COL28A1: variants seen among roughly 807,000 people sequenced by gnomAD.
The protein encoded by COL28A1 is collagen alpha-1(XXVIII) chain.
A neutral mutation model predicts 150.2 loss-of-function variants in COL28A1; 161 were observed. The ratio of observed to expected loss-of-function variants is 1.07; its 90% CI spans 0.94 to 1.22. The LOEUF is 1.22. COL28A1 is among the 50% of genes most tolerant of loss of function. The pLI is 0.00. For missense variants in COL28A1, 1,617 were observed against 1,388.3 expected (o/e 1.16, Z -2.62); for synonymous variants, 552 against 469.7 (o/e 1.18, Z -2.26).
chr7:7,436,170 A>G (rs1785327885), intron 23 of COL28A1, among the ~76,000 whole-genome samples: 1 of 152,184 alleles, frequency 6.6e-6, no homozygotes, highest in Non-Finnish European at 1.5e-5. Context: ...TTTTCAAACA[A>G]TTGTCTAATC....
intron 15 of COL28A1, among the ~76,000 whole-genome samples, chr7:7,471,197 A>G (rs1356587634): frequency 6.6e-6 from 1 of 151,714 alleles, no homozygotes; most frequent in Admixed American, 6.6e-5. Context: ...TACTCTTAAC[A>G]GACCAATAAC....
intron 34 of COL28A1, 64 bp downstream of exon 34, chr7:7,360,326 G>A: frequency 7.0e-7 from 1 of 1,430,514 alleles, no homozygotes; most frequent in Non-Finnish European, 9.2e-7. Flanking sequence ...TCTTTCCTTT[G>A]TGCACCAAAT....
chr7:7,391,408 A>G (rs866351171), intron 27 of COL28A1, among the ~76,000 whole-genome samples: 3 of 152,144 alleles, frequency 2.0e-5, no homozygotes, highest in Admixed American at 6.5e-5. Context: ...TATGTGCTCA[A>G]TTTTAGAATA....
Position 7,360,398 on chromosome 7 carries a change from C to T in COL28A1, c.3197G>A (p.Gly1066Glu), listed in dbSNP as rs200146803. 740 of 1,573,844 alleles carry T rather than the reference C, an allele frequency of 4.7e-4. 1 individual carries two copies. Among genetic ancestry groups the T allele is most frequent in the Non-Finnish European group, 5.7e-4 (668 of 1,166,778 alleles). Residue 1066 changes from glycine (G) to glutamate (E), a missense_variant, in exon 34 of 35, where the codon GGG (glycine) becomes GAG (glutamate). By Grantham distance (98) the Gly-to-Glu change is moderately conservative. Transcript: ENST00000399429. ...PRPLLSTPVD[G>E]AEDPRCLEAL... ...AGTTCTGGTTTACCTACCCTCTGCC[C>T]CATCCACAGGGGTGCTGAGCAGTGG... is the stretch of plus-strand genomic sequence containing the variant.
At chr7:7,377,934 G>A (rs867850900) in intron 30 of COL28A1, among the ~76,000 whole-genome samples, 2 of 152,150 alleles carry the variant, frequency 1.3e-5, no homozygotes, top group South Asian at 4.2e-4. Context: ...AACGATGAGG[G>A]AAAGAAGGAG....
chr7:7,424,545 CAT>C (rs1157983330), intron 25 of COL28A1, among the ~76,000 whole-genome samples: 1 of 152,190 alleles, frequency 6.6e-6, no homozygotes, highest in Non-Finnish European at 1.5e-5. Context: ...CATAGCTGGA[CAT>C]AGCTTCCCAC....
intron 13 of COL28A1, 127 bp downstream of exon 13, chr7:7,489,262 C>T (rs562976579): frequency 1.7e-5 from 11 of 643,146 alleles, no homozygotes; most frequent in East Asian, 8.5e-5. Flanking sequence ...AGTGAGATTC[C>T]GTCTCAAAAA....
chr7:7,500,850 C>T (rs374043046), intron 11 of COL28A1, among the ~76,000 whole-genome samples: 17 of 152,140 alleles, frequency 1.1e-4, no homozygotes, highest in South Asian at 1.0e-3. Context: ...AAGTAGGGTT[C>T]GGAAAAGTAG....
At chr7:7,360,649 C>T in intron 33 of COL28A1, 121 bp from the exon 34 acceptor site, 1 of 811,768 alleles carries the variant, frequency 1.2e-6, no homozygotes, top group Non-Finnish European at 1.9e-6. Context: ...CTCTCTGATA[C>T]TAACTATTTC....
Position 7,380,847 on chromosome 7 carries a change from G to A in COL28A1, c.2221C>T (p.Arg741Trp), listed in dbSNP as rs201020782. The A allele has an allele frequency of 4.6e-5, 75 of 1,613,410 alleles. No homozygotes were observed. The Admixed American group carries it at 5.3e-4, about 11-fold the overall frequency. Residue 741 changes from arginine (R) to tryptophan (W), a missense_variant, in exon 29 of 35, where the codon CGG (arginine) becomes TGG (tryptophan). Coordinates refer to ENST00000399429, the MANE Select transcript of COL28A1 (RefSeq NM_001037763.3). ...TCACCTTTCTTTCCCACATCGCCCC[G>A]TTCTCCGTGCTCTCCCTTTACACAA... is the stretch of plus-strand genomic sequence containing the variant. ...LPGQKGEHGE[R>W]GDVGKKGDKG...
Position 7,531,340 on chromosome 7 carries a change from G to A in COL28A1, c.681+8C>T. ...GATAACTGTATAATCAACCCATTAG[G>A]TACCTACCAGACGATCTTGAATTTT... On this transcript the variant is annotated splice_region_variant and intron_variant, in intron 3 of 34. Coordinates refer to ENST00000399429, the MANE Select transcript of COL28A1 (RefSeq NM_001037763.3). 7.9e-7 allele frequency: 1 copy of A among 1,259,712 alleles called. No homozygotes were observed. The highest frequency in any genetic ancestry group is 1.1e-6 in the Non-Finnish European group (1 of 888,238). 78.0% of individuals were successfully genotyped at this position (1,259,712 alleles called of 1,614,324 possible).
chr7:7,397,735 G>C (rs1782921254), intron 27 of COL28A1, among the ~76,000 whole-genome samples: 1 of 152,144 alleles, frequency 6.6e-6, no homozygotes, highest in East Asian at 1.9e-4. Flanking sequence ...GATGAAATAA[G>C]GAATGTTTAA....
intron 11 of COL28A1, among the ~76,000 whole-genome samples, chr7:7,504,456 T>G (rs1780699233): frequency 6.6e-6 from 1 of 152,260 alleles, no homozygotes; most frequent in African/African-American, 2.4e-5. Context: ...GTTATGATCA[T>G]GCCACTGTAC....
intron 27 of COL28A1, among the ~76,000 whole-genome samples, chr7:7,390,876 C>T (rs188786032): frequency 6.6e-6 from 1 of 152,186 alleles, no homozygotes; most frequent in African/African-American, 2.4e-5. Flanking sequence ...TTTGATTCTT[C>T]TCTCTTTTAT....
At position 7,453,487 on chromosome 7, in the gene COL28A1, G is replaced by A; in HGVS notation, c.1393C>T (p.Pro465Ser). 1 of 1,199,614 alleles carries A rather than the reference G, an allele frequency of 8.3e-7. No individual in the cohort carries two copies. Among genetic ancestry groups the A allele is most frequent in the Non-Finnish European group, 1.2e-6 (1 of 808,746 alleles). The allele number at this position is 1,199,614 out of a possible 1,614,324, so 74.3% of individuals were successfully genotyped here. ...GEQGIQGPIGPPGPQGPAGQG... is the reference protein window; with the variant it reads ...GEQGIQGPIGSPGPQGPAGQG... ...CCTGCGGGCCCTTGTGGACCAGGTG[G>A]ACCAATAGGACCTTGGATTCCCTTT... The change falls in exon 17 of 35, where the codon CCA (proline) becomes TCA (serine). Residue 465 changes from proline to serine, a missense_variant. Transcript: ENST00000399429.
intron 27 of COL28A1, among the ~76,000 whole-genome samples, chr7:7,406,343 C>T (rs1783490650): frequency 6.6e-6 from 1 of 152,122 alleles, no homozygotes; most frequent in South Asian, 2.1e-4. Flanking sequence ...AGCCTCCATA[C>T]ATTCATTCAA....
intron 33 of COL28A1, among the ~76,000 whole-genome samples, chr7:7,370,327 T>A (rs1419385518): frequency 6.6e-6 from 1 of 151,956 alleles, no homozygotes; most frequent in Non-Finnish European, 1.5e-5. Flanking sequence ...CATGAGAGGG[T>A]ACAAAGTGGG....
At chr7:7,353,144 A>T (rs894657069), downstream of COL28A1, among the ~76,000 whole-genome samples, 1 of 152,218 alleles carries the variant, frequency 6.6e-6, no homozygotes. Flanking sequence ...GGCCTCCCAC[A>T]AACAAGGACA....
At chr7:7,442,504 G>C (rs1785891033) in intron 20 of COL28A1, among the ~76,000 whole-genome samples, 1 of 151,948 alleles carries the variant, frequency 6.6e-6, no homozygotes, top group Non-Finnish European at 1.5e-5. Context: ...ACCCAAAAAG[G>C]ATCCCCGAGA....
Sources: allele counts gnomAD v4.1 joint callset (sites outside exome capture counted in the v4.1 genomes callset), GRCh38; gene constraint gnomAD v4.1.1; transcripts MANE v1.5; gene names NCBI Gene and HGNC (gene_info 2026-07-23, HGNC 2026-07-21).